The following NBEAL1 variants were observed in gnomAD, a reference collection of about 807,000 sequenced individuals.
NBEAL1 encodes the protein neurobeachin like 1, also known as neurobeachin-like protein 1.
NBEAL1 carries 273 observed loss-of-function variants against 351.3 expected under a neutral mutation model. The ratio of observed to expected loss-of-function variants is 0.78; its 90% confidence interval spans 0.70 to 0.86. The LOEUF (loss-of-function observed/expected upper bound fraction) is 0.86. NBEAL1 is among the 40% of genes least tolerant of loss of function. NBEAL1 has a pLI of 0.00. For missense variants in NBEAL1, 2,961 were observed against 3,201.3 expected (o/e 0.92, Z 1.81); for synonymous variants, 1,050 against 1,086.4 (o/e 0.97, Z 0.66).
chr2:203,020,264 G>C (rs1280348865), intron 2 of NBEAL1, among the ~76,000 whole-genome samples: 1 of 152,132 alleles, frequency 6.6e-6, no homozygotes, highest in Non-Finnish European at 1.5e-5. Flanking sequence ...TTCCTAAAAG[G>C]TTACTTTGTA....
Position 203,083,353 on chromosome 2 carries a change from A to T in NBEAL1, c.819A>T (p.Thr273=), listed in dbSNP as rs1056620821. Residue 273 remains threonine, a synonymous_variant, in exon 9 of 56, where the codon ACA becomes ACT. Transcript: ENST00000683969. The stretch of plus-strand genomic sequence containing the variant: ...CAGAACTAACTCTGAAGTGCCTTAC[A>T]GAAGTGGTACATATCCTTCTCAGTA... ...RKAELTLKCL[T]EVVHILLSSN... The T allele has an allele frequency of 6.4e-7, 1 of 1,554,926 alleles. No individual in the cohort carries two copies. The highest frequency in any genetic ancestry group is 2.0e-5 in the Admixed American group (1 of 51,028).
Position 203,202,707 on chromosome 2 carries a change from A to G in NBEAL1, c.7432A>G (p.Thr2478Ala), listed in dbSNP as rs746564808. The change falls in exon 51 of 56, where the codon ACA (threonine) becomes GCA (alanine). Residue 2478 changes from threonine to alanine, a missense_variant. Physicochemically the swap from Thr to Ala is moderately conservative, Grantham distance 58 (BLOSUM62 0). Coordinates refer to ENST00000683969, the MANE Select transcript of NBEAL1 (RefSeq NM_001378026.1). ...TACAGATATTGTGACTTGCTTAGCT[A>G]CAGATTACTGTGGAATACATTTGAT... Reference protein sequence around the residue: ...RHMDIVTCLATDYCGIHLISG... With the variant: ...RHMDIVTCLAADYCGIHLISG... The G allele has an allele frequency of 3.8e-6, 6 of 1,595,756 alleles. No individual in the cohort carries two copies. In the Admixed American group the frequency reaches 6.7e-5, roughly 18 times the overall value.
At chr2:203,084,723 T>A in intron 10 of NBEAL1, 154 bp downstream of exon 10, 1 of 457,284 alleles carries the variant, frequency 2.2e-6, no homozygotes, top group Non-Finnish European at 3.9e-6. Context: ...TTGAAACTAG[T>A]ATTAAATCAC....
In NBEAL1 at chr2:203,221,996, C is replaced by G. The variant is rs1052721577; in HGVS notation, c.*4642C>G. Among the ~76,000 whole-genome samples the G allele has an allele frequency of 7.9e-5, 12 of 152,058 alleles. No homozygotes were observed. The highest frequency in any genetic ancestry group is 2.9e-4 in the African/African-American group (12 of 41,410). On this transcript the variant is annotated 3_prime_UTR_variant, in exon 56 of 56. Coordinates refer to ENST00000683969, the MANE Select transcript of NBEAL1 (RefSeq NM_001378026.1). ...TGGAGCCTAGGAGCTCAAGACCAGC[C>G]TGGGCAGCATAGTGGGCTCCACCTC...
At chr2:203,168,438 CT>C (rs1290258257) in intron 38 of NBEAL1, among the ~76,000 whole-genome samples, 7 of 152,056 alleles carry the variant, frequency 4.6e-5, no homozygotes, top group Non-Finnish European at 5.9e-5. Context: ...CAAAAACTAG[CT>C]GGTCGTGGTG....
rs994332500 is a variant in NBEAL1 at position 203,223,555 on chromosome 2, A to C, written c.*6201A>C. Among the ~76,000 whole-genome samples the C allele has an allele frequency of 6.6e-6, 1 of 152,096 alleles. No individual in the cohort carries two copies. The highest frequency in any genetic ancestry group is 1.5e-5 in the Non-Finnish European group (1 of 67,946). The stretch of plus-strand genomic sequence containing the variant: ...TTACAATGTAGCATTGTAATGTAAG[A>C]TGAAGAAAAATTAGGATTTAGGTGG... On this transcript the variant is annotated 3_prime_UTR_variant, in exon 56 of 56. Transcript: ENST00000683969.
At chr2:203,173,520 T>A (rs909905936) in intron 41 of NBEAL1, among the ~76,000 whole-genome samples, 1 of 152,150 alleles carries the variant, frequency 6.6e-6, no homozygotes, top group Non-Finnish European at 1.5e-5. Context: ...TAGATTGATA[T>A]GAAAGTAGGT....
intron 54 of NBEAL1, among the ~76,000 whole-genome samples, chr2:203,211,880 C>T (rs572128626): frequency 5.3e-5 from 8 of 151,780 alleles, no homozygotes; most frequent in East Asian, 1.9e-4. Flanking sequence ...GTAGTGGATA[C>T]GTGTTTTTGT....
At chr2:203,181,820 T>C (rs550307490) in intron 43 of NBEAL1, 1 of 152,358 alleles carries the variant, frequency 6.6e-6, no homozygotes, top group South Asian at 2.1e-4. Context: ...AAATCTGTTG[T>C]CTGAGTCTGA....
At chr2:203,061,955 T>C in intron 6 of NBEAL1, 1 of 280,696 alleles carries the variant, frequency 3.6e-6, no homozygotes, top group Non-Finnish European at 6.9e-6. Context: ...GTGAGAGAAT[T>C]AAAGGCTTTC....
At chr2:203,144,210 CAAAA>C (rs1203059538) in intron 31 of NBEAL1, among the ~76,000 whole-genome samples, 4 of 52,954 alleles carry the variant, frequency 7.6e-5, no homozygotes, top group Non-Finnish European at 1.2e-4. Context: ...GACTCCATCT[CAAAA>C]AAAAAAAAAA....
intron 31 of NBEAL1, among the ~76,000 whole-genome samples, chr2:203,142,780 CT>C (rs1427000808): frequency 6.6e-6 from 1 of 151,922 alleles, no homozygotes; most frequent in East Asian, 1.9e-4. Context: ...GATTGTATGA[CT>C]TTTTTTTCTT....
At chr2:203,050,373 G>C (rs1228584938) in intron 4 of NBEAL1, among the ~76,000 whole-genome samples, 1 of 151,974 alleles carries the variant, frequency 6.6e-6, no homozygotes, top group Non-Finnish European at 1.5e-5. Context: ...GCACTTTTTG[G>C]AATAGGCTTG....
At chr2:203,131,842 A>G in intron 25 of NBEAL1, 131 bp from the exon 26 acceptor site, 1 of 591,818 alleles carries the variant, frequency 1.7e-6, no homozygotes, top group Non-Finnish European at 2.7e-6. Flanking sequence ...AGCAATACTT[A>G]CTAACATTAA....
intron 2 of NBEAL1, among the ~76,000 whole-genome samples, chr2:203,024,647 G>A (rs1197709446): frequency 6.6e-6 from 1 of 152,014 alleles, no homozygotes; most frequent in Non-Finnish European, 1.5e-5. Context: ...CAGATCACTT[G>A]AGGCCAGGAG....
At chr2:203,188,689 T>C in intron 45 of NBEAL1, 100 bp downstream of exon 45, 1 of 646,860 alleles carries the variant, frequency 1.5e-6, no homozygotes. Flanking sequence ...TCAGAAAGAC[T>C]ACATTTTAAA....
At chr2:203,211,153 A>G in intron 54 of NBEAL1, 47 bp downstream of exon 54, 1 of 1,330,430 alleles carries the variant, frequency 7.5e-7, no homozygotes, top group Non-Finnish European at 1.0e-6. Flanking sequence ...AAGGGGCAGT[A>G]CTTCTAGTCT....
At chr2:203,148,603 C>T (rs2063568569) in intron 33 of NBEAL1, among the ~76,000 whole-genome samples, 1 of 152,110 alleles carries the variant, frequency 6.6e-6, no homozygotes, top group East Asian at 1.9e-4. Flanking sequence ...TTTCTACTTT[C>T]TTTCCTCTTG....
intron 12 of NBEAL1, among the ~76,000 whole-genome samples, chr2:203,105,804 C>T (rs2062424478): frequency 6.6e-6 from 1 of 152,118 alleles, no homozygotes; most frequent in Admixed American, 6.6e-5. Context: ...ATAGGATTTA[C>T]AGTGTTGGCA....
Sources: gnomAD v4.1 joint callset for allele counts (sites outside exome capture counted in the v4.1 genomes callset) on GRCh38, gnomAD v4.1.1 for gene constraint, MANE v1.5 for transcripts, NCBI Gene and HGNC (gene_info 2026-07-23, HGNC 2026-07-21) for gene names.